The following SV2C variants were observed in gnomAD, a reference collection of about 807,000 sequenced individuals.
SV2C encodes the protein synaptic vesicle glycoprotein 2C, also known as solute carrier family 22 member B3.
A neutral mutation model predicts 79.7 loss-of-function variants in SV2C; 49 were observed. The observed-to-expected ratio is 0.61, with a 90% confidence interval of 0.49 to 0.78. SV2C has a LOEUF of 0.78. SV2C is among the 30% of genes least tolerant of loss of function. SV2C has a pLI of 0.00. For synonymous variants in SV2C, 334 were observed against 333.2 expected (o/e 1.00, Z -0.03); for missense variants, 833 against 912.9 (o/e 0.91, Z 1.13).
intron 1 of SV2C, among the ~76,000 whole-genome samples, chr5:76,120,511 TC>T (rs916090682): frequency 1.2e-5 from 1 of 85,614 alleles, no homozygotes; most frequent in African/African-American, 5.2e-5. Context: ...GTGCTATCCC[TC>T]CCCCCTCCCC....
At chr5:76,289,806 A>C (rs1314460817) in intron 6 of SV2C, among the ~76,000 whole-genome samples, 1 of 152,200 alleles carries the variant, frequency 6.6e-6, no homozygotes, top group Non-Finnish European at 1.5e-5. Context: ...CATGGCAGAT[A>C]GCGTATTTCT....
At chr5:76,079,698 A>G (rs1746951371), upstream of SV2C, 1 of 325,580 alleles carries the variant, frequency 3.1e-6, no homozygotes, top group Non-Finnish European at 6.2e-6. Context: ...TTCTCAAAGG[A>G]GATCGTCTAT....
rs755014183 is a variant in SV2C at position 76,286,018 on chromosome 5, T to C, written c.1137+148T>C. The stretch of plus-strand genomic sequence containing the variant: ...TGCCATTGTAGTGCAAAAGCAGCCA[T>C]AGGCAATGTTAAAATAAATGGGATG... On this transcript the variant is annotated intron_variant, in intron 6 of 12. Coordinates refer to ENST00000502798, the MANE Select transcript of SV2C (RefSeq NM_014979.4). 7.3e-5 allele frequency: 44 copies of C among 603,632 alleles called. No homozygotes were observed. In the Middle Eastern group the frequency reaches 1.7e-3, roughly 23 times the overall value. The allele number at this position is 603,632 out of a possible 1,614,324, so 37.4% of individuals were successfully genotyped here. A position where few individuals can be genotyped will look rare whatever the true frequency, so the allele number is the denominator to read the frequency against.
chr5:76,029,162 A>T, the SV2C span, among the ~76,000 whole-genome samples: 1 of 152,222 alleles, frequency 6.6e-6, no homozygotes. Context: ...TAAAGTATGT[A>T]TACATTGTAG....
the SV2C span, among the ~76,000 whole-genome samples, chr5:75,877,907 C>A: frequency 6.9e-6 from 1 of 144,620 alleles, no homozygotes; most frequent in African/African-American, 2.6e-5. Context: ...GAAGACACAA[C>A]ATACCAAAAC....
At chr5:76,123,563 C>T (rs1168351361) in intron 1 of SV2C, among the ~76,000 whole-genome samples, 1 of 152,152 alleles carries the variant, frequency 6.6e-6, no homozygotes, top group Non-Finnish European at 1.5e-5. Context: ...GGATACAAGC[C>T]TGTTTCAATA....
At chr5:76,016,548 A>G in the SV2C span, among the ~76,000 whole-genome samples, 1 of 152,254 alleles carries the variant, frequency 6.6e-6, no homozygotes, top group South Asian at 2.1e-4. Context: ...TACTATCTCC[A>G]TGGCCTTGTG....
intron 8 of SV2C, among the ~76,000 whole-genome samples, chr5:76,294,227 T>TAC (rs1022863492): frequency 7.3e-5 from 11 of 151,492 alleles, no homozygotes; most frequent in Non-Finnish European, 1.2e-4. Flanking sequence ...CTGGTAGCCA[T>TAC]ACACACACAC....
rs541615638 is a variant in SV2C at position 76,131,330 on chromosome 5, G to A, written c.-101-320G>A. 1.6e-3 allele frequency among the ~76,000 whole-genome samples: 249 copies of A among 152,120 alleles called. 1 individual carries two copies. Among genetic ancestry groups the A allele is most frequent in the Admixed American group, 3.2e-3 (49 of 15,274 alleles). On this transcript the variant is annotated intron_variant, in intron 1 of 12. Transcript: ENST00000502798. ...TGTAGCATTTCAAAATGTGTTGGGC[G>A]TGCTTTTAAAGATGCAAGATGCTCT...
chr5:75,958,527 C>T, the SV2C span, among the ~76,000 whole-genome samples: 1 of 151,990 alleles, frequency 6.6e-6, no homozygotes, highest in Non-Finnish European at 1.5e-5. Flanking sequence ...CTTAAGGCAG[C>T]ACCAATTGTA....
At chr5:75,932,545 A>C in the SV2C span, among the ~76,000 whole-genome samples, 3 of 152,240 alleles carry the variant, frequency 2.0e-5, no homozygotes, top group Non-Finnish European at 4.4e-5. Context: ...CATTATTTCT[A>C]TAGATTATAG....
At chr5:76,033,101 T>A in the SV2C span, among the ~76,000 whole-genome samples, 4 of 152,164 alleles carry the variant, frequency 2.6e-5, no homozygotes, top group Non-Finnish European at 5.9e-5. Context: ...GTTGTTTGTT[T>A]TTTTCTTGTA....
chr5:76,019,508 G>A, the SV2C span, among the ~76,000 whole-genome samples: 2 of 152,140 alleles, frequency 1.3e-5, no homozygotes, highest in Non-Finnish European at 2.9e-5. Context: ...CAAACGTGAT[G>A]AGGGTAAAAA....
chr5:75,934,302 C>CTTTTTTTTT, the SV2C span, among the ~76,000 whole-genome samples: 1,766 of 107,644 alleles, frequency 0.016, 147 homozygotes, highest in African/African-American at 0.063. Context: ...TTCTTTCTTT[C>CTTTTTTTTT]TTTTTTTTTT....
chr5:75,963,911 G>C, the SV2C span, among the ~76,000 whole-genome samples: 54 of 151,954 alleles, frequency 3.6e-4, no homozygotes, highest in Non-Finnish European at 5.7e-4. Context: ...TCATGTTCCG[G>C]TTCTTCTATT....
the SV2C span, among the ~76,000 whole-genome samples, chr5:75,870,852 G>A: frequency 6.6e-6 from 1 of 152,190 alleles, no homozygotes; most frequent in Non-Finnish European, 1.5e-5. Context: ...GGCCAGGAGA[G>A]AGTGGCACGA....
chr5:76,336,054 AC>A (rs1171252407), downstream of SV2C, among the ~76,000 whole-genome samples: 11 of 126,964 alleles, frequency 8.7e-5, no homozygotes, highest in South Asian at 2.7e-4. Context: ...CGGGGGGCTG[AC>A]CCCCCCACCT....
the SV2C span, among the ~76,000 whole-genome samples, chr5:75,973,524 A>G: frequency 6.6e-6 from 1 of 151,802 alleles, no homozygotes; most frequent in Non-Finnish European, 1.5e-5. Flanking sequence ...GAAAAAGAAA[A>G]AAAAGTAAAG....
chr5:76,197,088 T>C (rs1193317874), intron 3 of SV2C, among the ~76,000 whole-genome samples: 1 of 152,222 alleles, frequency 6.6e-6, no homozygotes, highest in African/African-American at 2.4e-5. Flanking sequence ...CATGGAGTCT[T>C]AGGAAAGTCA....
Sources: allele counts gnomAD v4.1 joint callset (sites outside exome capture counted in the v4.1 genomes callset), GRCh38; gene constraint gnomAD v4.1.1; transcripts MANE v1.5; gene names NCBI Gene and HGNC (gene_info 2026-07-23, HGNC 2026-07-21).